NDUFV2: variants seen among roughly 807,000 people sequenced by gnomAD.
NDUFV2 encodes the protein NADH dehydrogenase [ubiquinone] flavoprotein 2, mitochondrial.
In NDUFV2, 18 loss-of-function variants were observed where a neutral mutation model predicts 31.6. That is an observed-to-expected ratio of 0.57 (90% CI 0.39 to 0.84). NDUFV2 has a LOEUF of 0.84. NDUFV2 is among the 40% of genes least tolerant of loss of function. The pLI is 0.00. For missense variants in NDUFV2, 314 were observed against 303.6 expected (o/e 1.03, Z -0.26); for synonymous variants, 83 against 99.8 (o/e 0.83, Z 1.01).
intron 4 of NDUFV2, among the ~76,000 whole-genome samples, chr18:9,119,856 C>CA (rs368099410): frequency 1.7e-4 from 25 of 151,206 alleles, no homozygotes; most frequent in African/African-American, 5.8e-4. Context: ...AGGAAATGGT[C>CA]AAAGATAAAA....
intron 7 of NDUFV2, among the ~76,000 whole-genome samples, chr18:9,129,789 G>A (rs2078024046): frequency 6.6e-6 from 1 of 152,260 alleles, no homozygotes; most frequent in Middle Eastern, 3.4e-3. Flanking sequence ...AGGAGATAAG[G>A]GCCCAGATAA....
intron 1 of NDUFV2, chr18:9,104,316 G>A (rs2077830416): frequency 6.3e-7 from 1 of 1,598,680 alleles, no homozygotes. Flanking sequence ...GATTTTAGAG[G>A]CCGTCAGGAG....
At chr18:9,131,015 C>A (rs911051631) in intron 7 of NDUFV2, among the ~76,000 whole-genome samples, 2 of 152,184 alleles carry the variant, frequency 1.3e-5, no homozygotes, top group African/African-American at 2.4e-5. Context: ...ACTTTTGACT[C>A]CTCCAAAACT....
At chr18:9,119,166 G>A (rs2077916278) in intron 2 of NDUFV2, among the ~76,000 whole-genome samples, 160 bp from the exon 3 acceptor site, 1 of 152,028 alleles carries the variant, frequency 6.6e-6, no homozygotes, top group African/African-American at 2.4e-5. Flanking sequence ...CTTATCAAAT[G>A]TGTGTTTAGA....
intron 1 of NDUFV2, among the ~76,000 whole-genome samples, chr18:9,111,474 G>A (rs992053181): frequency 2.0e-5 from 3 of 151,564 alleles, no homozygotes; most frequent in Non-Finnish European, 4.4e-5. Context: ...TGTTGCCCAG[G>A]CTGGAGTGCT....
At chr18:9,123,339 G>A (rs919477164) in intron 5 of NDUFV2, among the ~76,000 whole-genome samples, 2 of 151,770 alleles carry the variant, frequency 1.3e-5, no homozygotes, top group Admixed American at 1.3e-4. Context: ...CACCATCAAG[G>A]TATAAATCCT....
intron 4 of NDUFV2, among the ~76,000 whole-genome samples, chr18:9,121,085 A>T (rs912506568): frequency 6.6e-6 from 1 of 152,144 alleles, no homozygotes; most frequent in East Asian, 1.9e-4. Context: ...CTCTTAAAAA[A>T]TATGTATTTA....
At chr18:9,121,462 G>T (rs968250564) in intron 4 of NDUFV2, 1 of 152,102 alleles carries the variant, frequency 6.6e-6, no homozygotes, top group African/African-American at 2.4e-5. Flanking sequence ...CAGAACTGCC[G>T]AATGAAATAG....
At chr18:9,116,448 TTC>T (rs2077898521) in intron 1 of NDUFV2, among the ~76,000 whole-genome samples, 1 of 152,212 alleles carries the variant, frequency 6.6e-6, no homozygotes, top group Non-Finnish European at 1.5e-5. Flanking sequence ...TAAAAAAATT[TTC>T]TGAGCTAAGA....
intron 1 of NDUFV2, among the ~76,000 whole-genome samples, chr18:9,116,579 A>G (rs2077899237): frequency 6.6e-6 from 1 of 152,130 alleles, no homozygotes; most frequent in Non-Finnish European, 1.5e-5. Flanking sequence ...ATTATCCTGA[A>G]ATTGATATTT....
chr18:9,104,047 GT>G, intron 1 of NDUFV2: 1 of 1,148,298 alleles, frequency 8.7e-7, no homozygotes, highest in Non-Finnish European at 1.3e-6. Context: ...AAAGTACAGT[GT>G]TAGAGAGATG....
intron 1 of NDUFV2, chr18:9,112,614 C>A (rs538443652): frequency 1.3e-5 from 2 of 152,196 alleles, no homozygotes; most frequent in Non-Finnish European, 2.9e-5. Flanking sequence ...TCCTGAGTAG[C>A]TGGGACTACA....
At position 9,128,621 on chromosome 18, in the gene NDUFV2, ATCTT is replaced by A. The variant is rs2078012946; in HGVS notation, c.656+1719_656+1722del. Among the ~76,000 whole-genome samples the A allele has an allele frequency of 1.3e-5, 2 of 152,168 alleles. 1 individual carries two copies. Among genetic ancestry groups the A allele is most frequent in the African/African-American group, 4.8e-5 (2 of 41,442 alleles). ...ACCTTTAGTCATCTATCATTACAGT[ATCTT>A]TCTTAGCTAGTGCTCCTATCCCTTA... On this transcript the variant is annotated intron_variant, in intron 7 of 7. Transcript: ENST00000318388.
At chr18:9,114,420 A>T (rs1164968733) in intron 1 of NDUFV2, among the ~76,000 whole-genome samples, 1 of 149,168 alleles carries the variant, frequency 6.7e-6, no homozygotes, top group East Asian at 2.0e-4. Flanking sequence ...AAATAGGTGT[A>T]GTTTTAAAAT....
At chr18:9,117,679 C>G in intron 1 of NDUFV2, 159 bp from the exon 2 acceptor site, 1 of 570,180 alleles carries the variant, frequency 1.8e-6, no homozygotes, top group Non-Finnish European at 3.2e-6. Flanking sequence ...TGTAAAATAA[C>G]TCTCCTGAAA....
chr18:9,114,490 G>A (rs1297287518), intron 1 of NDUFV2, among the ~76,000 whole-genome samples: 2 of 141,768 alleles, frequency 1.4e-5, no homozygotes, highest in Non-Finnish European at 3.0e-5. Flanking sequence ...TTATCCTTGT[G>A]TCAGTTAAGC....
intron 7 of NDUFV2, among the ~76,000 whole-genome samples, chr18:9,131,191 T>A (rs969682411): frequency 6.6e-6 from 1 of 152,178 alleles, no homozygotes; most frequent in Non-Finnish European, 1.5e-5. Context: ...ATTAAGTGGA[T>A]CATAGTACAA....
At chr18:9,124,107 T>C (rs2077964782) in intron 5 of NDUFV2, among the ~76,000 whole-genome samples, 5 of 152,024 alleles carry the variant, frequency 3.3e-5, no homozygotes, top group Admixed American at 3.3e-4. Flanking sequence ...ACACTGGTGA[T>C]AAGTCCTCTG....
At chr18:9,122,773 C>A in intron 5 of NDUFV2, 92 bp downstream of exon 5, 2 of 1,271,854 alleles carry the variant, frequency 1.6e-6, no homozygotes, top group East Asian at 2.4e-5. Context: ...CAACTTCTGC[C>A]ATCTTATTGG....
Sources: gnomAD v4.1 joint callset for allele counts (sites outside exome capture counted in the v4.1 genomes callset) on GRCh38, gnomAD v4.1.1 for gene constraint, MANE v1.5 for transcripts, NCBI Gene and HGNC (gene_info 2026-07-23, HGNC 2026-07-21) for gene names.